Variants in CHST9 observed in about 807,000 individuals in gnomAD.
The protein encoded by CHST9 is carbohydrate sulfotransferase 9.
A neutral mutation model predicts 44.4 loss-of-function variants in CHST9; 41 were observed. The ratio of observed to expected loss-of-function variants is 0.92; its 90% confidence interval spans 0.72 to 1.20. The LOEUF is 1.20. Among genes scored for constraint, CHST9 ranks in the 50% most tolerant of loss-of-function variants. The pLI is 0.00. For missense variants in CHST9, 504 were observed against 516.5 expected, an observed-to-expected ratio of 0.98 and a Z score of 0.23; for synonymous variants, 171 against 178.4, an observed-to-expected ratio of 0.96 and a Z score of 0.33.
chr18:26,944,188 G>A, intron 5 of CHST9, 141 bp downstream of exon 5: 1 of 668,676 alleles, frequency 1.5e-6, no homozygotes. Context: ...GACCAAATAT[G>A]TTTTTTTCCC....
rs568510235 is a variant in CHST9, at chr18:26,989,513, A to G, written c.202+34603T>C. On this transcript the variant is annotated intron_variant, in intron 4 of 5. Coordinates refer to ENST00000618847, the MANE Select transcript of CHST9 (RefSeq NM_031422.6). ...AAATGGTGCAACCATTCTGGAAAATAGCTTGGCAGCTTCTTAAAAAATTAA... is the reference window on the plus strand; with the variant it reads ...AAATGGTGCAACCATTCTGGAAAATGGCTTGGCAGCTTCTTAAAAAATTAA... 7.9e-5 allele frequency among the ~76,000 whole-genome samples: 12 copies of G among 152,364 alleles called. 1 individual carries two copies. The highest frequency in any genetic ancestry group is 2.6e-4 in the African/African-American group (11 of 41,586).
chr18:26,932,047 T>C (rs1318695976), intron 5 of CHST9, among the ~76,000 whole-genome samples: 1 of 152,140 alleles, frequency 6.6e-6, no homozygotes, highest in African/African-American at 2.4e-5. Context: ...CGAGTTACCT[T>C]GAGGTAGCCA....
chr18:26,976,265 C>T (rs374263814), intron 4 of CHST9, among the ~76,000 whole-genome samples: 1 of 151,998 alleles, frequency 6.6e-6, no homozygotes. Flanking sequence ...GACTCTCTCC[C>T]TGAGGAATCT....
intron 4 of CHST9, among the ~76,000 whole-genome samples, chr18:27,008,987 C>T (rs956650551): frequency 4.0e-5 from 6 of 151,776 alleles, no homozygotes; most frequent in African/African-American, 1.5e-4. Flanking sequence ...CTTGCGAGTG[C>T]TCTCACTCTC....
At chr18:27,116,298 T>C (rs1018159125) in intron 2 of CHST9, among the ~76,000 whole-genome samples, 1 of 152,194 alleles carries the variant, frequency 6.6e-6, no homozygotes, top group Non-Finnish European at 1.5e-5. Context: ...GGTTTTTATC[T>C]ATGTGAGGTA....
chr18:26,969,511 T>G (rs1434959408), intron 4 of CHST9, among the ~76,000 whole-genome samples: 2 of 152,180 alleles, frequency 1.3e-5, no homozygotes, highest in Middle Eastern at 3.4e-3. Context: ...ATGAGTTTAT[T>G]CCACAAAATA....
chr18:27,142,670 G>GA lies in CHST9; in HGVS notation c.121+18dup, dbSNP rs775646273. On this transcript the variant is annotated intron_variant, in intron 2 of 5. Coordinates refer to ENST00000618847, the MANE Select transcript of CHST9 (RefSeq NM_031422.6). ...TATTATTGTTACAATTAAAATAGAA[G>GA]AAAAAGCACATGTGTTACCTGTATG... is the stretch of plus-strand genomic sequence containing the variant. The GA allele has an allele frequency of 1.3e-6, 2 of 1,538,854 alleles. No individual in the cohort carries two copies. The highest frequency in any genetic ancestry group is 2.6e-5 in the South Asian group (2 of 75,756).
intron 3 of CHST9, among the ~76,000 whole-genome samples, chr18:27,047,563 T>A (rs931050460): frequency 3.2e-4 from 48 of 152,242 alleles, no homozygotes; most frequent in African/African-American, 1.1e-3. Flanking sequence ...TTATGCTGTT[T>A]ATACACTTTT....
At chr18:27,147,369 C>A (rs1023281615) in intron 1 of CHST9, among the ~76,000 whole-genome samples, 1 of 152,026 alleles carries the variant, frequency 6.6e-6, no homozygotes, top group Non-Finnish European at 1.5e-5. Context: ...ACCCAGCAGA[C>A]ATTTATGATT....
intron 1 of CHST9, among the ~76,000 whole-genome samples, chr18:27,145,585 C>G (rs753115800): frequency 2.0e-5 from 3 of 152,200 alleles, no homozygotes; most frequent in Non-Finnish European, 4.4e-5. Context: ...ATCCAGTTCT[C>G]TGAGTTCTCT....
At chr18:27,095,999 A>G (rs2058113286) in intron 2 of CHST9, among the ~76,000 whole-genome samples, 1 of 152,092 alleles carries the variant, frequency 6.6e-6, no homozygotes, top group Non-Finnish European at 1.5e-5. Flanking sequence ...TAAAATCTGC[A>G]CATGGAACAT....
intron 2 of CHST9, among the ~76,000 whole-genome samples, chr18:27,100,398 CT>C (rs1247453000): frequency 6.6e-6 from 1 of 152,014 alleles, no homozygotes. Flanking sequence ...CATGTACTGC[CT>C]GAATCTAAAA....
chr18:26,962,886 GGTGGAACAAACTCAAGACCTCTA>G (rs1386127970), intron 4 of CHST9, among the ~76,000 whole-genome samples: 3 of 152,182 alleles, frequency 2.0e-5, no homozygotes, highest in Non-Finnish European at 4.4e-5. Flanking sequence ...TTATGAGTCA[GGTGGAACAAACTCAAGACCTCTA>G]GAAATCATTC....
chr18:27,013,733 C>T (rs2057113745), intron 4 of CHST9, among the ~76,000 whole-genome samples: 1 of 152,112 alleles, frequency 6.6e-6, no homozygotes, highest in Non-Finnish European at 1.5e-5. Context: ...TTTGTTATGT[C>T]ACAGAAAATC....
intron 3 of CHST9, among the ~76,000 whole-genome samples, chr18:27,030,320 T>C (rs570807246): frequency 2.0e-5 from 3 of 152,242 alleles, no homozygotes; most frequent in Non-Finnish European, 2.9e-5. Context: ...CATGATGTGG[T>C]TGAGATTGAA....
intron 2 of CHST9, among the ~76,000 whole-genome samples, chr18:27,051,533 C>T (rs933726015): frequency 2.6e-5 from 4 of 152,130 alleles, no homozygotes; most frequent in African/African-American, 9.7e-5. Flanking sequence ...TGGAGAGGTC[C>T]ATGTGGCATG....
intron 2 of CHST9, among the ~76,000 whole-genome samples, chr18:27,096,574 G>A (rs1245685469): frequency 6.6e-6 from 1 of 151,744 alleles, no homozygotes; most frequent in Non-Finnish European, 1.5e-5. Context: ...GTCCAAATAA[G>A]CATAATCAGA....
intron 4 of CHST9, among the ~76,000 whole-genome samples, chr18:27,003,099 G>T (rs777221111): frequency 1.4e-4 from 21 of 152,112 alleles, no homozygotes; most frequent in Non-Finnish European, 1.5e-4. Flanking sequence ...GTGAAAACTG[G>T]CATTGGAAAT....
intron 1 of CHST9, among the ~76,000 whole-genome samples, chr18:27,162,459 A>G (rs1431192724): frequency 1.3e-5 from 2 of 152,104 alleles, no homozygotes; most frequent in African/African-American, 2.4e-5. Context: ...TGGCTTGTAG[A>G]GTTTCTGCCA....
Sources: allele counts gnomAD v4.1 joint callset (sites outside exome capture counted in the v4.1 genomes callset), GRCh38; gene constraint gnomAD v4.1.1; transcripts MANE v1.5; gene names NCBI Gene and HGNC (gene_info 2026-07-23, HGNC 2026-07-21).